VPS13D: variants seen among roughly 807,000 people sequenced by gnomAD.
VPS13D encodes the protein intermembrane lipid transfer protein VPS13D.
A neutral mutation model predicts 461.9 loss-of-function variants in VPS13D; 187 were observed. The ratio of observed to expected loss-of-function variants is 0.40; its 90% CI spans 0.36 to 0.46. The LOEUF is 0.46. Among genes scored for constraint, VPS13D ranks in the 20% least tolerant of loss-of-function variants. The pLI is 0.60. For missense variants in VPS13D, 4,711 were observed against 5,364.9 expected (o/e 0.88, Z 3.81); for synonymous variants, 1,951 against 1,986.3 (o/e 0.98, Z 0.47).
At chr1:12,500,839 G>T (rs1028607164) in intron 68 of VPS13D, among the ~76,000 whole-genome samples, 1 of 150,682 alleles carries the variant, frequency 6.6e-6, no homozygotes, top group Non-Finnish European at 1.5e-5. Flanking sequence ...AAAGTGGGAG[G>T]ATCGCTTGAG....
chr1:12,273,723 C>T (rs1183697214), intron 18 of VPS13D, among the ~76,000 whole-genome samples: 2 of 152,076 alleles, frequency 1.3e-5, no homozygotes, highest in Non-Finnish European at 2.9e-5. Context: ...GTAATATATA[C>T]CGATACTTCC....
At chr1:12,297,136 T>G (rs1642301234) in intron 24 of VPS13D, among the ~76,000 whole-genome samples, 1 of 152,216 alleles carries the variant, frequency 6.6e-6, no homozygotes, top group Non-Finnish European at 1.5e-5. Flanking sequence ...CTATTTTGTT[T>G]GAAATTTAAA....
intron 24 of VPS13D, among the ~76,000 whole-genome samples, chr1:12,294,538 G>A (rs1217886130): frequency 6.6e-6 from 1 of 152,236 alleles, no homozygotes; most frequent in Admixed American, 6.5e-5. Context: ...TGGCAGCCGG[G>A]TGTGGTGGCT....
chr1:12,488,007 CA>C (rs1338785787), intron 67 of VPS13D, among the ~76,000 whole-genome samples: 1 of 152,112 alleles, frequency 6.6e-6, no homozygotes, highest in Non-Finnish European at 1.5e-5. Context: ...CTCTGTCAGG[CA>C]ACAGGATATG....
In VPS13D at chr1:12,342,992, A is replaced by G. The variant is rs1447549685; in HGVS notation, c.8826A>G (p.Glu2942=). The change falls in exon 42 of 70, where the codon GAA becomes GAG. Residue 2942 remains glutamate (E), a synonymous_variant. Coordinates refer to ENST00000620676, the MANE Select transcript of VPS13D (RefSeq NM_015378.4). ...DDTHNVSEWR[E]VLTGEEIPFE... is the part of the protein sequence containing the mutation. Reference sequence around the variant, plus strand: ...CTCACAATGTTAGTGAATGGCGAGAAGTCCTTACAGGTGAAGAGATTCCCT... The same window carrying G: ...CTCACAATGTTAGTGAATGGCGAGAGGTCCTTACAGGTGAAGAGATTCCCT... 1.2e-6 allele frequency: 2 copies of G among 1,613,954 alleles called. No individual in the cohort carries two copies. Among genetic ancestry groups the G allele is most frequent in the African/African-American group, 1.3e-5 (1 of 74,944 alleles).
chr1:12,282,028 C>T (rs1477488381), intron 20 of VPS13D, among the ~76,000 whole-genome samples: 4 of 152,008 alleles, frequency 2.6e-5, no homozygotes, highest in African/African-American at 9.7e-5. Context: ...GCTGGGACTA[C>T]AGGCCTGTGC....
chr1:12,474,311 T>C (rs1645601562), intron 67 of VPS13D, among the ~76,000 whole-genome samples: 1 of 152,156 alleles, frequency 6.6e-6, no homozygotes, highest in African/African-American at 2.4e-5. Flanking sequence ...TCTTCAAAAA[T>C]GGTTATATTT....
At position 12,373,837 on chromosome 1, in the gene VPS13D, A is replaced by G; in HGVS notation, c.10896A>G (p.Gln3632=). ...TTTTGGATGTCTCACCCAAGACACA[A>G]AGAGTCATTTTAAAAAAGAAGGTAA... ...ELVLDVSPKT[Q]RVILKKKEPG... is the part of the protein sequence containing the mutation. Residue 3632 remains glutamine (Q), a synonymous_variant, in exon 55 of 70, where the codon CAA becomes CAG. Coordinates refer to ENST00000620676, the MANE Select transcript of VPS13D (RefSeq NM_015378.4). 1 of 1,607,612 alleles carries G rather than the reference A, an allele frequency of 6.2e-7. No individual in the cohort carries two copies. Among genetic ancestry groups the G allele is most frequent in the Non-Finnish European group, 8.5e-7 (1 of 1,176,696 alleles).
rs1642360240 is a variant in VPS13D at position 12,299,417 on chromosome 1, C to T, written c.6216+33C>T. On this transcript the variant is annotated intron_variant, in intron 25 of 69. Coordinates refer to ENST00000620676, the MANE Select transcript of VPS13D (RefSeq NM_015378.4). This position sits in a 1 kb window ranked among gnomAD's most constrained non-coding sequence, Gnocchi z 4.2. The stretch of plus-strand genomic sequence containing the variant: ...ATCAGTATCCATTTCCTTTTCCGTT[C>T]AGCTAGTATTTGATCACTAATTGAA... The T allele has an allele frequency of 1.3e-6, 2 of 1,569,278 alleles. No individual in the cohort carries two copies. Among genetic ancestry groups the T allele is most frequent in the African/African-American group, 2.7e-5 (2 of 73,330 alleles).
chr1:12,235,725 T>C (rs1640127829), intron 2 of VPS13D, among the ~76,000 whole-genome samples: 1 of 152,248 alleles, frequency 6.6e-6, no homozygotes, highest in African/African-American at 2.4e-5. Flanking sequence ...CCTCTTGTCC[T>C]GAAACGGGAG....
intron 67 of VPS13D, among the ~76,000 whole-genome samples, chr1:12,484,902 T>C (rs1645776938): frequency 6.6e-6 from 1 of 152,188 alleles, no homozygotes; most frequent in South Asian, 2.1e-4. Flanking sequence ...GTTTCAAACT[T>C]GCCAGTTCGT....
At position 12,304,766 on chromosome 1, in the gene VPS13D, G is replaced by A. The variant is rs751342157; in HGVS notation, c.6439+38G>A. The A allele has an allele frequency of 1.0e-5, 16 of 1,605,132 alleles. No individual in the cohort carries two copies. In the South Asian group the frequency reaches 1.8e-4, roughly 18 times the overall value. On this transcript the variant is annotated intron_variant, in intron 26 of 69. Transcript: ENST00000620676. ...AAAAGCAACATAATACTGAAGGTGG[G>A]GAAATTCACAGGACTGTTGAGGAAA...
intron 14 of VPS13D, among the ~76,000 whole-genome samples, chr1:12,267,613 A>G (rs905203880): frequency 2.6e-5 from 4 of 152,184 alleles, no homozygotes; most frequent in Admixed American, 1.3e-4. Flanking sequence ...TGTTCATTAA[A>G]TGTGCCGAGT....
intron 46 of VPS13D, among the ~76,000 whole-genome samples, chr1:12,351,871 T>C (rs1322500888): frequency 1.3e-5 from 2 of 151,132 alleles, no homozygotes; most frequent in South Asian, 2.1e-4. Flanking sequence ...GGATTACAGG[T>C]GTGAGCCACT....
At chr1:12,248,447 A>G (rs1557662663) in intron 5 of VPS13D, among the ~76,000 whole-genome samples, 1 of 152,010 alleles carries the variant, frequency 6.6e-6, no homozygotes, top group South Asian at 2.1e-4. Context: ...GGCTCAAACA[A>G]TCCTCCTGCC....
Position 12,271,139 on chromosome 1 carries a change from A to C in VPS13D, c.2103+15A>C. ...GTGATTTCATTGTAAGTGGGCATCC[A>C]TAAACACTCTTTGGGGATTGGGGAA... On this transcript the variant is annotated intron_variant, in intron 17 of 69. Coordinates refer to ENST00000620676, the MANE Select transcript of VPS13D (RefSeq NM_015378.4). 2 of 1,613,964 alleles carry C rather than the reference A, an allele frequency of 1.2e-6. No homozygotes were observed. The highest frequency in any genetic ancestry group is 1.1e-5 in the South Asian group (1 of 91,080).
In VPS13D at chr1:12,275,369, C is replaced by G. The variant is rs374394083; in HGVS notation, c.2237-456C>G. Among the ~76,000 whole-genome samples the G allele has an allele frequency of 1.5e-3, 222 of 152,194 alleles. 4 individuals carry two copies. The highest frequency in any genetic ancestry group is 5.1e-3 in the African/African-American group (212 of 41,534). Reference sequence around the variant, plus strand: ...GGCAGAGGTTGCAGTGAACTGAGATCGTGCCATTGCACTCCAGCCTGGGTG... The same window carrying G: ...GGCAGAGGTTGCAGTGAACTGAGATGGTGCCATTGCACTCCAGCCTGGGTG... On this transcript the variant is annotated intron_variant, in intron 18 of 69. Transcript: ENST00000620676.
intron 21 of VPS13D, among the ~76,000 whole-genome samples, chr1:12,287,727 C>T (rs1336907110): frequency 6.6e-6 from 1 of 152,108 alleles, no homozygotes; most frequent in Admixed American, 6.6e-5. Flanking sequence ...TTGTAGTTGT[C>T]CCTAGGAAAG....
At chr1:12,313,991 A>G (rs1049520509) in intron 29 of VPS13D, 124 bp from the exon 30 acceptor site, 3 of 778,570 alleles carry the variant, frequency 3.9e-6, no homozygotes, top group Non-Finnish European at 6.1e-6. Flanking sequence ...CTCAGAATGA[A>G]AGTTATTCTC....
Sources: gnomAD v4.1 joint callset for allele counts (sites outside exome capture counted in the v4.1 genomes callset) on GRCh38, gnomAD v4.1.1 for gene constraint, Gnocchi (gnomAD v3.1) non-coding constraint, MANE v1.5 for transcripts, NCBI Gene and HGNC (gene_info 2026-07-23, HGNC 2026-07-21) for gene names.